The following TOR3A variants were observed in gnomAD, a reference collection of about 807,000 sequenced individuals.
The protein encoded by TOR3A is torsin family 3 member A.
Under a neutral mutation model 42.1 loss-of-function variants are expected in TOR3A, and 44 were observed. The ratio of observed to expected loss-of-function variants is 1.04; its 90% CI spans 0.82 to 1.34. The LOEUF (loss-of-function observed/expected upper bound fraction) is 1.34, where lower values mean the gene tolerates loss of function less well. Among genes scored for constraint, TOR3A ranks in the 40% most tolerant of loss-of-function variants. The pLI, the probability that TOR3A is intolerant of heterozygous loss-of-function variation, is 0.00. For synonymous variants in TOR3A, 227 were observed against 213.2 expected (o/e 1.06, Z -0.57); for missense variants, 521 against 507.6 (o/e 1.03, Z -0.25).
intron 4 of TOR3A, among the ~76,000 whole-genome samples, chr1:179,090,794 G>C (rs1197547521): frequency 6.6e-6 from 1 of 152,198 alleles, no homozygotes; most frequent in African/African-American, 2.4e-5. Flanking sequence ...TGGCAGGACA[G>C]GAACGTGGAA....
chr1:179,085,936 G>A, intron 3 of TOR3A, 43 bp downstream of exon 3: 1 of 1,591,250 alleles, frequency 6.3e-7, no homozygotes, highest in East Asian at 2.2e-5. Context: ...GTGCTGGGAG[G>A]GAGACCCTTC....
rs1456429161 is a variant in TOR3A, at chr1:179,088,034, C to T, written c.763C>T (p.Arg255Trp). The change falls in exon 4 of 6, where the codon CGG becomes TGG. Residue 255 changes from arginine to tryptophan, a missense_variant. Transcript: ENST00000367627. The stretch of plus-strand genomic sequence containing the variant: ...GGTCCTTGGGCCACACTTAGAACGC[C>T]GGGCCCCTGAGGGCCACAGGGCTGA... The part of the protein sequence containing the change: ...LEVLGPHLER[R>W]APEGHRAESP... 1.2e-6 allele frequency: 2 copies of T among 1,613,186 alleles called. No individual in the cohort carries two copies. The highest frequency in any genetic ancestry group is 1.1e-5 in the South Asian group (1 of 91,036).
At chr1:179,082,862 A>G in intron 1 of TOR3A, 78 bp from the exon 2 acceptor site, 1 of 944,760 alleles carries the variant, frequency 1.1e-6, no homozygotes, top group Non-Finnish European at 1.7e-6. Flanking sequence ...GTCCCTGACA[A>G]GTTGTGTGGC....
chr1:179,086,104 CCAAA>C (rs1176737574), intron 3 of TOR3A, among the ~76,000 whole-genome samples: 1 of 152,204 alleles, frequency 6.6e-6, no homozygotes, highest in East Asian at 1.9e-4. Context: ...TGCTCTGTCC[CCAAA>C]CAGCCACACT....
rs142070830 is a variant in TOR3A at position 179,082,966 on chromosome 1, C to G, written c.286C>G (p.Arg96Gly). Residue 96 changes from arginine to glycine, a missense_variant, in exon 2 of 6, where the codon CGG becomes GGG. Coordinates refer to ENST00000367627, the MANE Select transcript of TOR3A (RefSeq NM_022371.4). ...CTGGCGCCTTCCTCTGTTGGGCCAG[C>G]GGTACCTGGACCTCCTGACCACGTG... is the stretch of plus-strand genomic sequence containing the variant. ...LGWRLPLLGQ[R>G]YLDLLTTWYC... 32 of 1,582,844 alleles carry G rather than the reference C, an allele frequency of 2.0e-5. No homozygotes were observed. In the Admixed American group the frequency reaches 5.6e-4, roughly 28 times the overall value.
chr1:179,091,230 C>A (rs887515994), intron 4 of TOR3A, among the ~76,000 whole-genome samples: 1 of 152,198 alleles, frequency 6.6e-6, no homozygotes, highest in East Asian at 1.9e-4. Context: ...GGGCTGGAGA[C>A]GGGGGATGAG....
At chr1:179,083,398 C>CT (rs530697099) in intron 2 of TOR3A, among the ~76,000 whole-genome samples, 35,842 of 145,092 alleles carry the variant, frequency 0.25, 4,427 homozygotes, top group East Asian at 0.3. Context: ...CCTTTCTTTT[C>CT]TTTTTTTTTT....
At chr1:179,094,579 C>A (rs1373895890) in intron 5 of TOR3A, among the ~76,000 whole-genome samples, 2 of 152,116 alleles carry the variant, frequency 1.3e-5, no homozygotes, top group Non-Finnish European at 2.9e-5. Flanking sequence ...TCCAACCTCA[C>A]CCAGCCCCTT....
At chr1:179,086,180 G>A (rs1417952337) in intron 3 of TOR3A, among the ~76,000 whole-genome samples, 1 of 152,212 alleles carries the variant, frequency 6.6e-6, no homozygotes, top group Non-Finnish European at 1.5e-5. Flanking sequence ...TGTAGAAGTA[G>A]TGAAATGTCA....
intron 5 of TOR3A, 150 bp from the exon 6 acceptor site, chr1:179,094,818 C>T (rs1652689282): frequency 4.1e-6 from 3 of 737,852 alleles, no homozygotes; most frequent in East Asian, 2.5e-5. Context: ...GTGGAGGCTG[C>T]AAGGAGCCCA....
intron 4 of TOR3A, 43 bp from the exon 5 acceptor site, chr1:179,094,050 C>T (rs1268594100): frequency 3.1e-6 from 5 of 1,599,268 alleles, no homozygotes; most frequent in South Asian, 1.1e-5. Context: ...TATATGGAAG[C>T]TAAATATAAA....
intron 3 of TOR3A, 41 bp from the exon 4 acceptor site, chr1:179,087,870 G>A: frequency 6.6e-7 from 1 of 1,504,524 alleles, no homozygotes; most frequent in South Asian, 1.3e-5. Context: ...GGAGGTGGAA[G>A]GAGTCACCAC....
Position 179,095,498 on chromosome 1 carries a change from C to T in TOR3A, c.*280C>T. ...TTAAGATCACTTGGTGCCTTAAAGA[C>T]ACGCATTCCAAAGTGGAATGTGGTT... On this transcript the variant is annotated 3_prime_UTR_variant, in exon 6 of 6. Transcript: ENST00000367627. 6.2e-6 allele frequency: 8 copies of T among 1,283,492 alleles called. No individual in the cohort carries two copies. Among genetic ancestry groups the T allele is most frequent in the East Asian group, 6.9e-5 (2 of 28,790 alleles). The allele number at this position is 1,283,492 out of a possible 1,614,324, so 79.5% of individuals were successfully genotyped here.
chr1:179,082,357 G>T lies in TOR3A; in HGVS notation c.229G>T (p.Glu77Ter). 2 of 1,606,552 alleles carry T rather than the reference G, an allele frequency of 1.2e-6. No homozygotes were observed. Among genetic ancestry groups the T allele is most frequent in the Non-Finnish European group, 1.7e-6 (2 of 1,177,782 alleles). The part of the protein sequence containing the change: ...SCQVWPDDCD[E>*]DEEAATGPLG... ...CCAGGTGTGGCCCGACGACTGTGAC[G>T]AGGACGAGGAGGCAGCCACGGGGCC... The change falls in exon 1 of 6, where the codon GAG becomes TAG. Residue 77 changes from glutamate (E) to a stop codon, truncating the protein, a stop_gained. Transcript: ENST00000367627. LOFTEE classifies it high-confidence loss of function.
In TOR3A at chr1:179,083,524, C is replaced by A. The variant is rs1337582423; in HGVS notation, c.373+471C>A. The stretch of plus-strand genomic sequence containing the variant: ...TTTCCTGCCTCAGCCTCCCGAGTAG[C>A]TGGGATTACAGGTGCCTGCCACCAC... On this transcript the variant is annotated intron_variant, in intron 2 of 5. Transcript: ENST00000367627. 4.1e-5 allele frequency among the ~76,000 whole-genome samples: 6 copies of A among 147,906 alleles called. No individual in the cohort carries two copies. The Admixed American group carries it at 4.3e-4, about 11-fold the overall frequency.
chr1:179,092,140 G>T (rs536686099), intron 4 of TOR3A, among the ~76,000 whole-genome samples: 2 of 152,226 alleles, frequency 1.3e-5, no homozygotes, highest in Admixed American at 1.3e-4. Flanking sequence ...CTTAACCTGC[G>T]TGGCAGGGAA....
At position 179,082,405 on chromosome 1, in the gene TOR3A, C is replaced by A; in HGVS notation, c.259+18C>A. The A allele has an allele frequency of 6.3e-7, 1 of 1,587,660 alleles. No individual in the cohort carries two copies. The highest frequency in any genetic ancestry group is 1.1e-5 in the South Asian group (1 of 87,256). On this transcript the variant is annotated intron_variant, in intron 1 of 5. Coordinates refer to ENST00000367627, the MANE Select transcript of TOR3A (RefSeq NM_022371.4). ...GCCCCTGGGTAAGACCCCGTCCCCACGGTCCGCCGTTCGCTGCGGAGCAGA... is the reference window on the plus strand; with the variant it reads ...GCCCCTGGGTAAGACCCCGTCCCCAAGGTCCGCCGTTCGCTGCGGAGCAGA...
chr1:179,087,831 T>C lies in TOR3A; in HGVS notation c.640-80T>C, dbSNP rs989775048. On this transcript the variant is annotated intron_variant, in intron 3 of 5. Coordinates refer to ENST00000367627, the MANE Select transcript of TOR3A (RefSeq NM_022371.4). ...CCAGCCCCAGGGGGTCCATTGCACA[T>C]GCCCAGGGGAAACCACGCCCTCAAG... 2.5e-5 allele frequency: 35 copies of C among 1,394,714 alleles called. No homozygotes were observed. The Middle Eastern group carries it at 1.3e-3, about 52-fold the overall frequency. 86.4% of individuals were successfully genotyped at this position (1,394,714 alleles called of 1,614,324 possible).
chr1:179,083,242 C>T (rs1652342312), intron 2 of TOR3A, among the ~76,000 whole-genome samples, 189 bp downstream of exon 2: 1 of 152,114 alleles, frequency 6.6e-6, no homozygotes, highest in African/African-American at 2.4e-5. Flanking sequence ...TTTTTAGCCT[C>T]TAGCTTAATA....
Sources: gnomAD v4.1 joint callset for allele counts (sites outside exome capture counted in the v4.1 genomes callset) on GRCh38, gnomAD v4.1.1 for gene constraint, MANE v1.5 for transcripts, NCBI Gene and HGNC (gene_info 2026-07-23, HGNC 2026-07-21) for gene names.